Variants in ADAMTS16 observed in about 807,000 individuals in gnomAD.
ADAMTS16 encodes the protein ADAM metallopeptidase with thrombospondin type 1 motif 16, also known as A disintegrin and metalloproteinase with thrombospondin motifs 16.
In ADAMTS16, 94 loss-of-function variants were observed where a neutral mutation model predicts 145.8. The observed-to-expected ratio is 0.64, with a 90% CI of 0.55 to 0.77. ADAMTS16 has a LOEUF of 0.77. Among genes scored for constraint, ADAMTS16 ranks in the 30% least tolerant of loss-of-function variants. The pLI, the probability that ADAMTS16 is intolerant of heterozygous loss-of-function variation, is 0.00. For missense variants in ADAMTS16, 1,585 were observed against 1,591.5 expected (o/e 1.00, Z 0.07); for synonymous variants, 659 against 604.3 (o/e 1.09, Z -1.33).
intron 17 of ADAMTS16, among the ~76,000 whole-genome samples, chr5:5,261,124 A>G (rs1222769298): frequency 2.0e-5 from 3 of 152,112 alleles, no homozygotes; most frequent in Non-Finnish European, 2.9e-5. Context: ...GGCTGGTTCT[A>G]TTTATTTTAT....
At chr5:5,212,572 G>T (rs993306926) in intron 10 of ADAMTS16, among the ~76,000 whole-genome samples, 3 of 152,150 alleles carry the variant, frequency 2.0e-5, no homozygotes. Context: ...TACTTTGCTT[G>T]ATTTCTACTT....
At chr5:5,278,766 A>AT (rs1738790383) in intron 18 of ADAMTS16, among the ~76,000 whole-genome samples, 1 of 152,202 alleles carries the variant, frequency 6.6e-6, no homozygotes, top group African/African-American at 2.4e-5. Flanking sequence ...TATTTAGACC[A>AT]TATGCTTAGA....
At chr5:5,271,481 G>C (rs1476729916) in intron 18 of ADAMTS16, among the ~76,000 whole-genome samples, 1 of 152,240 alleles carries the variant, frequency 6.6e-6, no homozygotes, top group Non-Finnish European at 1.5e-5. Flanking sequence ...GCCCTCCCGC[G>C]GCTGCCCCGC....
At position 5,239,694 on chromosome 5, in the gene ADAMTS16, G is replaced by T; in HGVS notation, c.2292G>T (p.Met764Ile). Residue 764 changes from methionine (M) to isoleucine (I), a missense_variant, in exon 16 of 23, where the codon ATG becomes ATT. Physicochemically the swap from Met to Ile is conservative, Grantham distance 10 (BLOSUM62 1). This residue lies in a region of ADAMTS16 where 834 missense variants were observed against 811.7 expected (regional missense o/e 1.03). Transcript: ENST00000274181. ...KHHHTNQYYH[M>I]VTIPSGARSI... ...TCCTTTATCTAGAGTATTATCACAT[G>T]GTCACCATTCCTTCTGGAGCCCGGA... 6.2e-7 allele frequency: 1 copy of T among 1,614,112 alleles called. No individual in the cohort carries two copies. The highest frequency in any genetic ancestry group is 8.5e-7 in the Non-Finnish European group (1 of 1,180,030).
intron 9 of ADAMTS16, among the ~76,000 whole-genome samples, chr5:5,208,506 T>C (rs541569766): frequency 6.6e-6 from 1 of 152,352 alleles, no homozygotes; most frequent in South Asian, 2.1e-4. Flanking sequence ...CATCTACCAA[T>C]GATTTCAGCA....
In ADAMTS16 at chr5:5,268,147, C is replaced by T. The variant is rs1032970640; in HGVS notation, c.2789+5364C>T. 3.8e-4 allele frequency among the ~76,000 whole-genome samples: 58 copies of T among 152,324 alleles called. 1 individual carries two copies. The highest frequency in any genetic ancestry group is 1.3e-3 in the African/African-American group (55 of 41,586). ...TCTGTGACCCCACTCTCCCTTGGGG[C>T]TGTTCTGTAGAGAAGCTTGACAGAT... On this transcript the variant is annotated intron_variant, in intron 18 of 22. Coordinates refer to ENST00000274181, the MANE Select transcript of ADAMTS16 (RefSeq NM_139056.4).
At chr5:5,197,225 T>G (rs1428507302) in intron 8 of ADAMTS16, among the ~76,000 whole-genome samples, 1 of 152,218 alleles carries the variant, frequency 6.6e-6, no homozygotes, top group East Asian at 1.9e-4. Flanking sequence ...CTACAAACAC[T>G]TGGCTGGTTA....
At chr5:5,244,723 C>T (rs1044458198) in intron 17 of ADAMTS16, among the ~76,000 whole-genome samples, 7 of 152,238 alleles carry the variant, frequency 4.6e-5, no homozygotes, top group South Asian at 2.1e-4. Context: ...GGAAGCACAA[C>T]GTGTTCTTCG....
At chr5:5,160,115 T>C (rs994028795) in intron 3 of ADAMTS16, among the ~76,000 whole-genome samples, 10 of 152,168 alleles carry the variant, frequency 6.6e-5, no homozygotes, top group African/African-American at 2.4e-4. Flanking sequence ...TGTAGAAGAC[T>C]TGGGTGAGTA....
chr5:5,274,863 T>G (rs1738629099), intron 18 of ADAMTS16, among the ~76,000 whole-genome samples: 1 of 152,090 alleles, frequency 6.6e-6, no homozygotes, highest in Non-Finnish European at 1.5e-5. Flanking sequence ...ATCATTAAAT[T>G]TTTCATTTCT....
chr5:5,261,576 T>C lies in ADAMTS16; in HGVS notation c.2663-1081T>C, dbSNP rs146506999. 5.0e-3 allele frequency among the ~76,000 whole-genome samples: 736 copies of C among 146,566 alleles called. 2 individuals are homozygous for C. Among genetic ancestry groups the C allele is most frequent in the Middle Eastern group, 0.014 (4 of 290 alleles). On this transcript the variant is annotated intron_variant, in intron 17 of 22. Transcript: ENST00000274181. ...ATCTCTGCTCACTGCAACCTCCAACTACCTGGTTCCAGCGATTCTTCTGCC... is the reference window on the plus strand; with the variant it reads ...ATCTCTGCTCACTGCAACCTCCAACCACCTGGTTCCAGCGATTCTTCTGCC...
At position 5,239,764 on chromosome 5, in the gene ADAMTS16, G is replaced by C. The variant is rs1414144553; in HGVS notation, c.2362G>C (p.Val788Leu). The C allele has an allele frequency of 2.5e-6, 4 of 1,614,126 alleles. No individual in the cohort carries two copies. Among genetic ancestry groups the C allele is most frequent in the Non-Finnish European group, 3.4e-6 (4 of 1,180,040 alleles). ...GAACGTCTCTACCTCCTACATTTCT[G>C]TGCGCAATGCCCTCAGAAGGTACTA... ...EMNVSTSYIS[V>L]RNALRRYYLN... is the part of the protein sequence containing the mutation. Residue 788 changes from valine to leucine, a missense_variant, in exon 16 of 23, where the codon GTG becomes CTG. Transcript: ENST00000274181.
chr5:5,216,896 G>A lies in ADAMTS16; in HGVS notation c.1606-5893G>A, dbSNP rs552439966. Among the ~76,000 whole-genome samples, 716 of 151,346 alleles carry A rather than the reference G, an allele frequency of 4.7e-3. 6 individuals carry two copies. Among genetic ancestry groups the A allele is most frequent in the African/African-American group, 0.016 (664 of 41,164 alleles). On this transcript the variant is annotated intron_variant, in intron 10 of 22. Transcript: ENST00000274181. Reference sequence around the variant, plus strand: ...CTTGCGATAGTTTACTGAGAATGACGATTTCCAATTTCATCCATGTCCCTA... The same window carrying A: ...CTTGCGATAGTTTACTGAGAATGACAATTTCCAATTTCATCCATGTCCCTA...
At chr5:5,313,465 T>G (rs2126534694) in intron 21 of ADAMTS16, among the ~76,000 whole-genome samples, 2 of 152,310 alleles carry the variant, frequency 1.3e-5, no homozygotes, top group Middle Eastern at 6.8e-3. Flanking sequence ...GGGCTTAGTG[T>G]CAGGTTGTTC....
intron 9 of ADAMTS16, among the ~76,000 whole-genome samples, chr5:5,201,836 A>G (rs1735966747): frequency 6.6e-6 from 1 of 152,198 alleles, no homozygotes; most frequent in South Asian, 2.1e-4. Flanking sequence ...CTATCCTATT[A>G]GATCCTGTAG....
chr5:5,149,831 C>T (rs1026200044), intron 3 of ADAMTS16, among the ~76,000 whole-genome samples: 1 of 152,202 alleles, frequency 6.6e-6, no homozygotes, highest in African/African-American at 2.4e-5. Flanking sequence ...ACTCATTTCA[C>T]TTAGCATAAT....
At chr5:5,280,700 G>A (rs961999564) in intron 18 of ADAMTS16, among the ~76,000 whole-genome samples, 11 of 152,006 alleles carry the variant, frequency 7.2e-5, no homozygotes, top group African/African-American at 2.4e-4. Context: ...TGCTTAAAGC[G>A]CCACCTAATT....
intron 17 of ADAMTS16, among the ~76,000 whole-genome samples, chr5:5,254,435 A>G (rs1260659772): frequency 6.6e-6 from 1 of 152,074 alleles, no homozygotes; most frequent in Non-Finnish European, 1.5e-5. Flanking sequence ...AATATTTCTA[A>G]TGTTTCCCAT....
At chr5:5,226,384 C>A (rs1223482515) in intron 11 of ADAMTS16, among the ~76,000 whole-genome samples, 2 of 152,070 alleles carry the variant, frequency 1.3e-5, no homozygotes, top group African/African-American at 4.8e-5. Flanking sequence ...TATCAGATCC[C>A]ATGAGACTTA....
Sources: gnomAD v4.1 joint callset for allele counts (sites outside exome capture counted in the v4.1 genomes callset) on GRCh38, gnomAD v4.1.1 for gene constraint, gnomAD v4.1.1 regional missense constraint, MANE v1.5 for transcripts, NCBI Gene and HGNC (gene_info 2026-07-23, HGNC 2026-07-21) for gene names.